The following CXCL14 variants were observed in gnomAD, a reference collection of about 807,000 sequenced individuals.
CXCL14 encodes the protein C-X-C motif chemokine ligand 14, also known as C-X-C motif chemokine 14.
In CXCL14, 9 loss-of-function variants were observed where a neutral mutation model predicts 16.1. That is an observed-to-expected ratio of 0.56 (90% confidence interval 0.34 to 0.97). The LOEUF (loss-of-function observed/expected upper bound fraction) is 0.97. Ranked by LOEUF, CXCL14 falls within the 50% of genes least tolerant of loss-of-function variation. The pLI is 0.02. For synonymous variants in CXCL14, 55 were observed against 52.8 expected (o/e 1.04, Z -0.18); for missense variants, 111 against 132.5 (o/e 0.84, Z 0.80).
At position 135,574,009 on chromosome 5, in the gene CXCL14, G is replaced by T. The variant is rs141721349; in HGVS notation, c.284+563C>A. 1.7e-3 allele frequency among the ~76,000 whole-genome samples: 252 copies of T among 152,352 alleles called. 1 individual carries two copies. Among genetic ancestry groups the T allele is most frequent in the African/African-American group, 5.8e-3 (240 of 41,582 alleles). The stretch of plus-strand genomic sequence containing the variant: ...GGTTAACAGTGGCTCTGATTTTAAA[G>T]AGCCAAACCTGTGGTGCCTTCCAGC... On this transcript the variant is annotated intron_variant, in intron 3 of 3. Transcript: ENST00000512158.
chr5:135,577,136 C>T (rs1751113592), intron 2 of CXCL14, among the ~76,000 whole-genome samples: 1 of 152,218 alleles, frequency 6.6e-6, no homozygotes, highest in Non-Finnish European at 1.5e-5. Flanking sequence ...GGTATCACTG[C>T]ATCCTTTACC....
intron 2 of CXCL14, 102 bp downstream of exon 2, chr5:135,578,332 G>T: frequency 1.0e-6 from 1 of 973,134 alleles, no homozygotes; most frequent in Non-Finnish European, 1.6e-6. Flanking sequence ...CCTTGACAAA[G>T]TCGGAGAGAA....
intron 2 of CXCL14, among the ~76,000 whole-genome samples, chr5:135,577,504 G>A (rs1444347330): frequency 6.6e-6 from 1 of 152,224 alleles, no homozygotes; most frequent in Non-Finnish European, 1.5e-5. Context: ...TGCTGGGTAG[G>A]GGTGTGCACT....
intron 2 of CXCL14, 23 bp from the exon 3 acceptor site, chr5:135,574,708 G>A: frequency 5.1e-6 from 8 of 1,566,830 alleles, no homozygotes; most frequent in Non-Finnish European, 7.0e-6. Flanking sequence ...AGGATGAGGT[G>A]GAGGGTTGAG....
chr5:135,574,469 A>C (rs780254608), intron 3 of CXCL14, 103 bp downstream of exon 3: 114 of 819,470 alleles, frequency 1.4e-4, no homozygotes, highest in Non-Finnish European at 1.8e-4. Flanking sequence ...GTGGGTGTTC[A>C]CATATTAGAT....
Position 135,574,580 on chromosome 5 carries a change from C to T in CXCL14, c.276G>A (p.Glu92=), listed in dbSNP as rs766758665. 6.2e-7 allele frequency: 1 copy of T among 1,612,454 alleles called. No homozygotes were observed. The highest frequency in any genetic ancestry group is 8.5e-7 in the Non-Finnish European group (1 of 1,179,772). Residue 92 remains glutamate, a synonymous_variant, in exon 3 of 4, where the codon GAG becomes GAA. Transcript: ENST00000512158. The stretch of plus-strand genomic sequence containing the variant: ...GTAGAGGCGGGGCGTACCTGCGCTT[C>T]TCGTTCCAGGCGTTGTACCACTTGA... ...RFIKWYNAWN[E]KRRVYEE
At chr5:135,577,110 G>T (rs946632753) in intron 2 of CXCL14, among the ~76,000 whole-genome samples, 1 of 152,126 alleles carries the variant, frequency 6.6e-6, no homozygotes, top group African/African-American at 2.4e-5. Flanking sequence ...ATTTACTGAG[G>T]GCTCTGTCCT....
In CXCL14 at chr5:135,577,890, G is replaced by A. The variant is rs143497555; in HGVS notation, c.170+544C>T. ...GCTCCGTATTGGGGACCCACAAGGA[G>A]TACAGTCGGTGAGGGAAGCTCGTGG... is the stretch of plus-strand genomic sequence containing the variant. On this transcript the variant is annotated intron_variant, in intron 2 of 3. Transcript: ENST00000512158. Among the ~76,000 whole-genome samples the A allele has an allele frequency of 3.9e-5, 6 of 152,356 alleles. No individual in the cohort carries two copies. The East Asian group carries it at 1.2e-3, about 29-fold the overall frequency.
rs566365690 is a variant in CXCL14, at chr5:135,571,742, CTTTTTTTTTTTTTTTTTTTTTTTTTT to C, written c.*85_*110del. The C allele has an allele frequency of 0.013, 5,777 of 458,692 alleles. 30 individuals are homozygous for C. Among genetic ancestry groups the C allele is most frequent in the East Asian group, 0.019 (380 of 20,062 alleles). 28.4% of individuals were successfully genotyped at this position (458,692 alleles called of 1,614,324 possible). A position where few individuals can be genotyped will look rare whatever the true frequency, so the allele number is the denominator to read the frequency against. ...GTCTTATGCCTGTGAGAAAGAAAGG[CTTTTTTTTTTTTTTTTTTTTTTTTTT>C]TTTTTTTTTTTTTTTTTAATCTGCA... On this transcript the variant is annotated 3_prime_UTR_variant, in exon 4 of 4. Coordinates refer to ENST00000512158, the MANE Select transcript of CXCL14 (RefSeq NM_004887.5).
chr5:135,575,506 A>T (rs901328941), intron 2 of CXCL14, among the ~76,000 whole-genome samples: 1 of 152,216 alleles, frequency 6.6e-6, no homozygotes, highest in Non-Finnish European at 1.5e-5. Context: ...TAATAATAGG[A>T]CTATCTCACA....
rs1475669706 is a variant in CXCL14 at position 135,574,610 on chromosome 5, G to A, written c.246C>T (p.Arg82=). ...CLHPKLQSTK[R]FIKWYNAWNE... ...TCCAGGCGTTGTACCACTTGATGAA[G>A]CGCTTGGTGCTCTGCAGCTTGGGGT... The change falls in exon 3 of 4, where the codon CGC becomes CGT. Residue 82 remains arginine, a synonymous_variant. Coordinates refer to ENST00000512158, the MANE Select transcript of CXCL14 (RefSeq NM_004887.5). The A allele has an allele frequency of 6.2e-7, 1 of 1,613,498 alleles. No homozygotes were observed. Among genetic ancestry groups the A allele is most frequent in the Non-Finnish European group, 8.5e-7 (1 of 1,179,884 alleles).
chr5:135,571,621 G>A lies in CXCL14; in HGVS notation c.*232C>T, dbSNP rs1281212475. 1.2e-5 allele frequency: 6 copies of A among 514,056 alleles called. No individual in the cohort carries two copies. In the East Asian group the frequency reaches 1.3e-4, roughly 11 times the overall value. 31.8% of individuals were successfully genotyped at this position (514,056 alleles called of 1,614,324 possible). A position where few individuals can be genotyped will look rare whatever the true frequency, so the allele number is the denominator to read the frequency against. ...CTGTGATGAAGTCTGGAGCACAAGAGAGATGGGTCTCCCATCTGGAAGCCT... is the reference window on the plus strand; with the variant it reads ...CTGTGATGAAGTCTGGAGCACAAGAAAGATGGGTCTCCCATCTGGAAGCCT... On this transcript the variant is annotated 3_prime_UTR_variant, in exon 4 of 4. Coordinates refer to ENST00000512158, the MANE Select transcript of CXCL14 (RefSeq NM_004887.5).
intron 3 of CXCL14, 147 bp from the exon 4 acceptor site, chr5:135,572,015 A>G: frequency 1.3e-6 from 1 of 746,372 alleles, no homozygotes; most frequent in Non-Finnish European, 2.2e-6. Context: ...AGTGGGAGGG[A>G]TCCTTCTGAG....
chr5:135,574,576 G>A lies in CXCL14; in HGVS notation c.280C>T (p.Arg94Cys), dbSNP rs1263480297. ...IKWYNAWNEKRRVYEE is the reference protein window; with the variant it reads ...IKWYNAWNEKCRVYEE ...GTGAGTAGAGGCGGGGCGTACCTGC[G>A]CTTCTCGTTCCAGGCGTTGTACCAC... The change falls in exon 3 of 4, where the codon CGC becomes TGC. Residue 94 changes from arginine to cysteine, a missense_variant. Physicochemically the swap from Arg to Cys is radical, Grantham distance 180. Transcript: ENST00000512158. 2.5e-6 allele frequency: 4 copies of A among 1,611,924 alleles called. No individual in the cohort carries two copies. Among genetic ancestry groups the A allele is most frequent in the Non-Finnish European group, 2.5e-6 (3 of 1,179,374 alleles).
Position 135,571,169 on chromosome 5 carries a change from T to C in CXCL14, c.*684A>G, listed in dbSNP as rs1414683108. On this transcript the variant is annotated 3_prime_UTR_variant, in exon 4 of 4. Coordinates refer to ENST00000512158, the MANE Select transcript of CXCL14 (RefSeq NM_004887.5). The stretch of plus-strand genomic sequence containing the variant: ...CTCAGGTTGGGAAAGACCCCACACC[T>C]TCTTTAAGGATCATTTGTCTCGCCA... 6.6e-6 allele frequency: 1 copy of C among 152,276 alleles called. No individual in the cohort carries two copies. Among genetic ancestry groups the C allele is most frequent in the Non-Finnish European group, 1.5e-5 (1 of 68,052 alleles). 9.4% of individuals were successfully genotyped at this position (152,276 alleles called of 1,614,324 possible).
chr5:135,576,406 G>A (rs1236838159), intron 2 of CXCL14, among the ~76,000 whole-genome samples: 2 of 152,240 alleles, frequency 1.3e-5, no homozygotes, highest in Non-Finnish European at 2.9e-5. Context: ...CAGTGTGCAG[G>A]CTGTGCATCC....
intron 2 of CXCL14, among the ~76,000 whole-genome samples, chr5:135,575,635 A>G (rs1751086269): frequency 6.6e-6 from 1 of 152,246 alleles, no homozygotes; most frequent in African/African-American, 2.4e-5. Context: ...GCCAAGGGGA[A>G]AGAGTAGCCT....
rs950741515 is a variant in CXCL14, at chr5:135,571,653, C to T, written c.*200G>A. 11 of 546,640 alleles carry T rather than the reference C, an allele frequency of 2.0e-5. No individual in the cohort carries two copies. Among genetic ancestry groups the T allele is most frequent in the South Asian group, 2.9e-5 (1 of 34,452 alleles). The allele number at this position is 546,640 out of a possible 1,614,324, so 33.9% of individuals were successfully genotyped here. ...GTCTCCCATCTGGAAGCCTTTCGCA[C>T]GCAGCTATAAAATGTAAAAACTGAC... On this transcript the variant is annotated 3_prime_UTR_variant, in exon 4 of 4. Transcript: ENST00000512158.
chr5:135,575,394 G>A (rs1751084200), intron 2 of CXCL14, among the ~76,000 whole-genome samples: 1 of 152,156 alleles, frequency 6.6e-6, no homozygotes, highest in Non-Finnish European at 1.5e-5. Context: ...TAGAGAAGCA[G>A]GTGTTGTGCA....
Sources: allele counts gnomAD v4.1 joint callset (sites outside exome capture counted in the v4.1 genomes callset), GRCh38; gene constraint gnomAD v4.1.1; transcripts MANE v1.5; gene names NCBI Gene and HGNC (gene_info 2026-07-23, HGNC 2026-07-21).